COL25A1: variants seen among roughly 807,000 people sequenced by gnomAD.
The protein encoded by COL25A1 is collagen alpha-1(XXV) chain.
In COL25A1, 103 loss-of-function variants were observed where a neutral mutation model predicts 128.4. The observed-to-expected ratio is 0.80, with a 90% CI of 0.68 to 0.94. The LOEUF is 0.94. COL25A1 is among the 40% of genes least tolerant of loss of function. The probability of loss-of-function intolerance (pLI) is 0.00; values close to 1 mark genes in which losing one functional copy is unlikely to be tolerated. For missense variants in COL25A1, 745 were observed against 840.0 expected (o/e 0.89, Z 1.40); for synonymous variants, 279 against 277.2 (o/e 1.01, Z -0.06).
intron 16 of COL25A1, among the ~76,000 whole-genome samples, chr4:108,896,172 T>C (rs568698662): frequency 1.6e-4 from 24 of 151,828 alleles, no homozygotes; most frequent in Admixed American, 4.6e-4. Context: ...ATGGTCTCGA[T>C]CTGCTGACCT....
chr4:109,034,062 G>C (rs1759113709), intron 5 of COL25A1, among the ~76,000 whole-genome samples: 1 of 152,110 alleles, frequency 6.6e-6, no homozygotes, highest in Non-Finnish European at 1.5e-5. Context: ...ATAGAAAATA[G>C]ATTCCCTTGA....
chr4:109,026,617 G>A (rs1758319837), intron 5 of COL25A1, among the ~76,000 whole-genome samples: 2 of 152,196 alleles, frequency 1.3e-5, no homozygotes, highest in Non-Finnish European at 2.9e-5. Flanking sequence ...CATGTGTGCC[G>A]ACGATTTGCT....
rs75471154 is a variant in COL25A1 at position 109,199,435 on chromosome 4, G to A, written c.367+101148C>T. Among the ~76,000 whole-genome samples the A allele has an allele frequency of 8.5e-3, 1,289 of 152,114 alleles. 58 individuals are homozygous for A. In the South Asian group the frequency reaches 0.14, roughly 16 times the overall value. On this transcript the variant is annotated intron_variant, in intron 3 of 37. Coordinates refer to ENST00000399132, the MANE Select transcript of COL25A1 (RefSeq NM_198721.4). ...GTTGGGATTATAGGCATGAGCCACC[G>A]TGCCCAGTCAAAATTGGAATTGCAT... is the stretch of plus-strand genomic sequence containing the variant.
intron 3 of COL25A1, among the ~76,000 whole-genome samples, chr4:109,170,294 T>C (rs1172126780): frequency 1.3e-5 from 2 of 152,164 alleles, no homozygotes; most frequent in East Asian, 1.9e-4. Flanking sequence ...ATTCTTGAAA[T>C]AGGAAATCCA....
intron 16 of COL25A1, among the ~76,000 whole-genome samples, chr4:108,890,003 T>C (rs1384265525): frequency 6.6e-6 from 1 of 152,228 alleles, no homozygotes; most frequent in Non-Finnish European, 1.5e-5. Context: ...CACATGCAGA[T>C]ACATAAGGAC....
At chr4:109,061,713 A>G (rs946547179) in intron 3 of COL25A1, among the ~76,000 whole-genome samples, 33 of 152,134 alleles carry the variant, frequency 2.2e-4, no homozygotes, top group African/African-American at 7.5e-4. Context: ...AGCCTCCCCA[A>G]CTGAGTTTCA....
At chr4:108,995,344 C>T (rs1754664028) in intron 6 of COL25A1, among the ~76,000 whole-genome samples, 1 of 151,996 alleles carries the variant, frequency 6.6e-6, no homozygotes. Flanking sequence ...ATAGTCGATT[C>T]AATCAAGTGG....
At chr4:108,818,663 AG>A (rs966830038) in intron 36 of COL25A1, among the ~76,000 whole-genome samples, 1 of 152,106 alleles carries the variant, frequency 6.6e-6, no homozygotes, top group African/African-American at 2.4e-5. Context: ...TAAACTGAAA[AG>A]GTTATGTGGC....
intron 6 of COL25A1, among the ~76,000 whole-genome samples, chr4:108,983,342 C>T (rs1753223044): frequency 6.6e-6 from 1 of 152,092 alleles, no homozygotes; most frequent in African/African-American, 2.4e-5. Flanking sequence ...TGCAATCTAC[C>T]CTAAAATGCT....
chr4:109,039,498 A>G (rs927249092), intron 5 of COL25A1, among the ~76,000 whole-genome samples: 1 of 152,192 alleles, frequency 6.6e-6, no homozygotes, highest in Non-Finnish European at 1.5e-5. Flanking sequence ...TTTCACCCAG[A>G]CAAGTCCTTC....
intron 3 of COL25A1, among the ~76,000 whole-genome samples, chr4:109,088,583 G>C (rs1447843953): frequency 6.6e-6 from 1 of 152,158 alleles, no homozygotes; most frequent in African/African-American, 2.4e-5. Context: ...TTAACACAGT[G>C]CCTATGAAGC....
chr4:108,981,555 T>C (rs1266374806), intron 6 of COL25A1, among the ~76,000 whole-genome samples: 2 of 152,176 alleles, frequency 1.3e-5, no homozygotes, highest in Non-Finnish European at 1.5e-5. Flanking sequence ...TAAAAAAAAG[T>C]GAAAGTAGAA....
At chr4:109,223,398 T>A (rs1019961747) in intron 3 of COL25A1, among the ~76,000 whole-genome samples, 1 of 150,336 alleles carries the variant, frequency 6.7e-6, no homozygotes, top group Non-Finnish European at 1.5e-5. Context: ...ATTCCACATT[T>A]CCCCCCCCCA....
chr4:109,236,147 A>T (rs1779465635), intron 3 of COL25A1, among the ~76,000 whole-genome samples: 1 of 152,126 alleles, frequency 6.6e-6, no homozygotes, highest in African/African-American at 2.4e-5. Flanking sequence ...ACAAACACTT[A>T]GATTTTTAAA....
At chr4:109,275,772 GT>G (rs140005712) in intron 3 of COL25A1, among the ~76,000 whole-genome samples, 1 of 152,048 alleles carries the variant, frequency 6.6e-6, no homozygotes, top group African/African-American at 2.4e-5. Flanking sequence ...TCTCTGTAAA[GT>G]TTTTTTTAGA....
intron 19 of COL25A1, among the ~76,000 whole-genome samples, chr4:108,873,953 G>A (rs1193521707): frequency 6.6e-6 from 1 of 152,024 alleles, no homozygotes; most frequent in Non-Finnish European, 1.5e-5. Flanking sequence ...GAAAAGAATT[G>A]ATGTACGGTT....
chr4:109,009,849 G>A (rs1756413665), intron 6 of COL25A1, among the ~76,000 whole-genome samples: 2 of 151,826 alleles, frequency 1.3e-5, no homozygotes, highest in African/African-American at 4.8e-5. Context: ...CTTCAATATG[G>A]GCTCAATAAG....
At chr4:108,974,781 C>T (rs543521114) in intron 6 of COL25A1, among the ~76,000 whole-genome samples, 24 of 152,216 alleles carry the variant, frequency 1.6e-4, no homozygotes, top group Non-Finnish European at 3.4e-4. Context: ...GTCATAAGTA[C>T]ATAATATGCT....
chr4:108,954,271 A>T (rs1749799375), intron 8 of COL25A1, among the ~76,000 whole-genome samples: 1 of 152,126 alleles, frequency 6.6e-6, no homozygotes, highest in Non-Finnish European at 1.5e-5. Flanking sequence ...TTGAAAAATC[A>T]TAAAATAAAC....
Sources: allele counts gnomAD v4.1 joint callset (sites outside exome capture counted in the v4.1 genomes callset), GRCh38; gene constraint gnomAD v4.1.1; transcripts MANE v1.5; gene names NCBI Gene and HGNC (gene_info 2026-07-23, HGNC 2026-07-21).